The following KYAT3 variants were observed in gnomAD, a reference collection of about 807,000 sequenced individuals.
KYAT3 encodes kynurenine--oxoglutarate transaminase 3.
Under a neutral mutation model 59.0 loss-of-function variants are expected in KYAT3, and 50 were observed. That is an observed-to-expected ratio of 0.85 (90% CI 0.68 to 1.07). The LOEUF is 1.07. KYAT3 is among the 50% of genes least tolerant of loss of function. KYAT3 has a pLI of 0.00. For synonymous variants in KYAT3, 148 were observed against 177.0 expected (o/e 0.84, Z 1.30); for missense variants, 497 against 533.3 (o/e 0.93, Z 0.67).
intron 2 of KYAT3, among the ~76,000 whole-genome samples, chr1:88,974,419 C>T (rs1676680211): frequency 6.7e-6 from 1 of 149,736 alleles, no homozygotes; most frequent in Non-Finnish European, 1.5e-5. Flanking sequence ...TGTTGCTGGG[C>T]ATGTTATTTC....
the KYAT3 span, among the ~76,000 whole-genome samples, chr1:88,922,215 C>T: frequency 4.6e-5 from 7 of 152,154 alleles, no homozygotes; most frequent in Middle Eastern, 3.4e-3. Flanking sequence ...ATGAGGCCCC[C>T]TCTCTCTCTA....
chr1:88,949,334 T>C (rs1007586913), intron 10 of KYAT3, 57 bp from the exon 11 acceptor site: 1 of 1,234,406 alleles, frequency 8.1e-7, no homozygotes, highest in South Asian at 1.6e-5. Flanking sequence ...ATTTATTGCT[T>C]AGTTTATTGG....
At chr1:88,964,669 G>T in intron 5 of KYAT3, 160 bp downstream of exon 5, 1 of 641,992 alleles carries the variant, frequency 1.6e-6, no homozygotes, top group Non-Finnish European at 2.8e-6. Flanking sequence ...AATTTATCCA[G>T]CTGTACATTT....
In KYAT3 at chr1:88,969,437, G is replaced by T; in HGVS notation, c.130C>A (p.Arg44=). The T allele has an allele frequency of 6.3e-7, 1 of 1,578,184 alleles. No homozygotes were observed. Among genetic ancestry groups the T allele is most frequent in the South Asian group, 1.1e-5 (1 of 89,292 alleles). Residue 44 remains arginine, a synonymous_variant, in exon 3 of 14, where the codon CGG becomes AGG. Transcript: ENST00000260508. ...ACATTACTATCAAGTCCTTCAATCC[G>T]TTTTGCATTTGTGAATTTCAGTGAC... ...KMSLKFTNAK[R]IEGLDSNVWI...
At chr1:88,927,108 T>G in the KYAT3 span, among the ~76,000 whole-genome samples, 1 of 152,172 alleles carries the variant, frequency 6.6e-6, no homozygotes, top group South Asian at 2.1e-4. Context: ...TTACGCACCC[T>G]GGAAGGGAAT....
At chr1:88,951,380 G>A (rs1487385590) in intron 10 of KYAT3, among the ~76,000 whole-genome samples, 9 of 151,798 alleles carry the variant, frequency 5.9e-5, no homozygotes, top group South Asian at 2.1e-4. Flanking sequence ...GATTACAGGC[G>A]CCTGCCACCA....
chr1:88,957,490 T>G (rs1346610832), intron 8 of KYAT3, among the ~76,000 whole-genome samples: 1 of 152,230 alleles, frequency 6.6e-6, no homozygotes, highest in Admixed American at 6.5e-5. Context: ...GTAGCCATTT[T>G]GCATCTTTAA....
At chr1:88,936,319 C>A in intron 13 of KYAT3, 74 bp from the exon 14 acceptor site, 3 of 1,113,252 alleles carry the variant, frequency 2.7e-6, no homozygotes, top group Non-Finnish European at 2.6e-6. Context: ...TTTAAATATA[C>A]AACATAATGA....
chr1:88,988,420 C>G (rs991987817), intron 1 of KYAT3, 69 bp from the exon 2 acceptor site: 5 of 854,498 alleles, frequency 5.9e-6, no homozygotes, highest in Non-Finnish European at 9.5e-6. Flanking sequence ...CAGACACTTA[C>G]AGCTAGCTGA....
At chr1:88,969,501 T>A in intron 2 of KYAT3, 34 bp from the exon 3 acceptor site, 1 of 1,276,730 alleles carries the variant, frequency 7.8e-7, no homozygotes, top group South Asian at 1.2e-5. Context: ...GGAATTGCCT[T>A]AGTCAAAATT....
chr1:88,942,242 GTTC>G lies in KYAT3; in HGVS notation c.1302+760_1302+762del, dbSNP rs1437697253. Among the ~76,000 whole-genome samples, 1,486 of 150,420 alleles carry G rather than the reference GTTC, an allele frequency of 9.9e-3. 27 individuals are homozygous for G. Among genetic ancestry groups the G allele is most frequent in the African/African-American group, 0.034 (1,411 of 41,048 alleles). The stretch of plus-strand genomic sequence containing the variant: ...TTCATAGCAGATATTAGACTTTTAA[GTTC>G]TTGAATCTCCATTTGGTTCTTTTTT... On this transcript the variant is annotated intron_variant, in intron 13 of 13. Coordinates refer to ENST00000260508, the MANE Select transcript of KYAT3 (RefSeq NM_001008661.3).
intron 4 of KYAT3, 39 bp downstream of exon 4, chr1:88,968,631 A>C: frequency 6.7e-7 from 1 of 1,485,412 alleles, no homozygotes; most frequent in Non-Finnish European, 9.0e-7. Flanking sequence ...CCCAGTATAA[A>C]ATAAAAGCTC....
intron 4 of KYAT3, among the ~76,000 whole-genome samples, chr1:88,967,733 A>C (rs1427349217): frequency 6.6e-6 from 1 of 152,132 alleles, no homozygotes; most frequent in Non-Finnish European, 1.5e-5. Flanking sequence ...TATGATCAGT[A>C]ATGATATTCC....
At chr1:88,927,331 A>T in the KYAT3 span, among the ~76,000 whole-genome samples, 2 of 152,190 alleles carry the variant, frequency 1.3e-5, no homozygotes, top group African/African-American at 2.4e-5. Flanking sequence ...CCTGGCCACA[A>T]TATCCTCTTC....
rs1675029960 is a variant in KYAT3, at chr1:88,936,175, T to C, written c.*8A>G. The C allele has an allele frequency of 6.3e-7, 1 of 1,597,480 alleles. No homozygotes were observed. The highest frequency in any genetic ancestry group is 8.6e-7 in the Non-Finnish European group (1 of 1,166,384). ...ATCTAACAGAAACATTAATCCATTC[T>C]GCACAAATCAAGACTTCTGTACACT... On this transcript the variant is annotated 3_prime_UTR_variant, in exon 14 of 14. Coordinates refer to ENST00000260508, the MANE Select transcript of KYAT3 (RefSeq NM_001008661.3).
chr1:88,932,416 T>C (rs1674927862), downstream of KYAT3, among the ~76,000 whole-genome samples: 1 of 152,192 alleles, frequency 6.6e-6, no homozygotes, highest in Admixed American at 6.5e-5. Flanking sequence ...ATTGATAGAT[T>C]AGACTATTGA....
At chr1:88,978,676 ATT>A (rs34867665) in intron 2 of KYAT3, among the ~76,000 whole-genome samples, 2 of 143,388 alleles carry the variant, frequency 1.4e-5, no homozygotes, top group African/African-American at 2.6e-5. Context: ...TTTGTTCTTA[ATT>A]TTTTTTTTTT....
intron 4 of KYAT3, among the ~76,000 whole-genome samples, chr1:88,966,564 G>A (rs758258628): frequency 6.6e-6 from 1 of 151,886 alleles, no homozygotes; most frequent in Non-Finnish European, 1.5e-5. Flanking sequence ...TTTGTATATT[G>A]GCTTTGTGTC....
the KYAT3 span, among the ~76,000 whole-genome samples, chr1:88,924,007 G>C: frequency 6.6e-6 from 1 of 152,250 alleles, no homozygotes; most frequent in African/African-American, 2.4e-5. Flanking sequence ...GCCTGGCGGT[G>C]AGCAGGGAGT....
Sources: gnomAD v4.1 joint callset for allele counts (sites outside exome capture counted in the v4.1 genomes callset) on GRCh38, gnomAD v4.1.1 for gene constraint, MANE v1.5 for transcripts, NCBI Gene and HGNC (gene_info 2026-07-23, HGNC 2026-07-21) for gene names.